ZNF438: variants seen among roughly 807,000 people sequenced by gnomAD.
ZNF438 encodes zinc finger protein 438.
ZNF438 carries 25 observed loss-of-function variants against 38.0 expected under a neutral mutation model. The ratio of observed to expected loss-of-function variants is 0.66; its 90% CI spans 0.48 to 0.92. ZNF438 has a LOEUF of 0.92. Among genes scored for constraint, ZNF438 ranks in the 40% least tolerant of loss-of-function variants. The pLI is 0.00. For missense variants in ZNF438, 1,007 were observed against 999.6 expected (o/e 1.01, Z -0.10); for synonymous variants, 372 against 364.1 (o/e 1.02, Z -0.25).
At chr10:30,894,257 C>A (rs1006235409) in intron 3 of ZNF438, among the ~76,000 whole-genome samples, 1 of 152,174 alleles carries the variant, frequency 6.6e-6, no homozygotes. Flanking sequence ...TCAGTAGCTT[C>A]TTTTTCTGAG....
At chr10:30,959,182 G>A (rs1001420735) in intron 1 of ZNF438, among the ~76,000 whole-genome samples, 2 of 147,026 alleles carry the variant, frequency 1.4e-5, no homozygotes, top group Admixed American at 6.8e-5. Flanking sequence ...CATTATTCTC[G>A]ACATTTCTGC....
chr10:30,889,406 C>T (rs1458559137), intron 3 of ZNF438, among the ~76,000 whole-genome samples: 1 of 152,128 alleles, frequency 6.6e-6, no homozygotes, highest in African/African-American at 2.4e-5. Flanking sequence ...CTCCCCTCCC[C>T]TCTTCCCTCC....
At chr10:30,866,695 G>A (rs1391473222) in intron 4 of ZNF438, among the ~76,000 whole-genome samples, 7 of 152,064 alleles carry the variant, frequency 4.6e-5, no homozygotes, top group Admixed American at 2.6e-4. Flanking sequence ...TTAGCCGAGC[G>A]TGGTGACAGG....
intron 2 of ZNF438, among the ~76,000 whole-genome samples, chr10:30,927,937 C>T (rs2045155723): frequency 6.6e-6 from 1 of 152,050 alleles, no homozygotes; most frequent in Non-Finnish European, 1.5e-5. Flanking sequence ...CCAGTTTTTA[C>T]AGCAAAAGCA....
At chr10:30,955,069 C>G (rs1407627592) in intron 1 of ZNF438, among the ~76,000 whole-genome samples, 2 of 152,188 alleles carry the variant, frequency 1.3e-5, no homozygotes, top group Non-Finnish European at 2.9e-5. Context: ...ATGTTTACTG[C>G]AGCTATTCTA....
intron 4 of ZNF438, among the ~76,000 whole-genome samples, chr10:30,872,958 T>G (rs1467464994): frequency 6.6e-6 from 1 of 152,148 alleles, no homozygotes; most frequent in Non-Finnish European, 1.5e-5. Flanking sequence ...GACACATACA[T>G]TGTCCCTGTC....
At chr10:30,954,138 TTAAAAA>T (rs2048593561) in intron 1 of ZNF438, among the ~76,000 whole-genome samples, 1 of 151,938 alleles carries the variant, frequency 6.6e-6, no homozygotes, top group African/African-American at 2.4e-5. Flanking sequence ...GCGAGACTGT[TTAAAAA>T]AAAAGACAAA....
intron 3 of ZNF438, among the ~76,000 whole-genome samples, chr10:30,892,604 T>TA (rs1332494026): frequency 6.6e-6 from 1 of 151,452 alleles, no homozygotes; most frequent in African/African-American, 2.4e-5. Flanking sequence ...GTTCAAGCAC[T>TA]AAAAAAAAGA....
intron 1 of ZNF438, among the ~76,000 whole-genome samples, chr10:30,983,914 T>A (rs933816437): frequency 1.3e-5 from 2 of 152,192 alleles, no homozygotes; most frequent in African/African-American, 4.8e-5. Context: ...ACATCTTACA[T>A]AACCACAGGA....
intron 2 of ZNF438, among the ~76,000 whole-genome samples, chr10:30,915,707 A>G (rs2043551537): frequency 6.6e-6 from 1 of 152,084 alleles, no homozygotes; most frequent in South Asian, 2.1e-4. Flanking sequence ...GATATTAGCC[A>G]CAGCATCCTG....
chr10:31,008,026 C>G (rs182202518), intron 1 of ZNF438, among the ~76,000 whole-genome samples: 1 of 152,266 alleles, frequency 6.6e-6, no homozygotes, highest in East Asian at 1.9e-4. Flanking sequence ...TCAGAAAATC[C>G]TATTAAATAT....
chr10:31,029,218 T>C lies in ZNF438; in HGVS notation c.-192+2615A>G, dbSNP rs572644180. ...GCCTCTATTTTCTCGTGCTGTAAAA[T>C]GGGGACAATAATGGTTCCTTGCACA... On this transcript the variant is annotated intron_variant, in intron 1 of 5. Coordinates refer to ENST00000413025, the Ensembl canonical transcript of ZNF438. Among the ~76,000 whole-genome samples, 4 of 152,298 alleles carry C rather than the reference T, an allele frequency of 2.6e-5. No individual in the cohort carries two copies. In the East Asian group the frequency reaches 7.7e-4, roughly 29 times the overall value.
intron 4 of ZNF438, among the ~76,000 whole-genome samples, chr10:30,874,526 T>C (rs192220029): frequency 4.0e-4 from 61 of 151,972 alleles, no homozygotes; most frequent in Non-Finnish European, 7.9e-4. Context: ...AATATTAATC[T>C]AAGACATACA....
intron 1 of ZNF438, among the ~76,000 whole-genome samples, chr10:31,012,750 C>T (rs187167666): frequency 8.8e-4 from 134 of 152,316 alleles, no homozygotes; most frequent in African/African-American, 3.0e-3. Flanking sequence ...TAACCATCCT[C>T]CAAGCTTCAC....
chr10:31,016,889 A>G (rs746208558), intron 1 of ZNF438, among the ~76,000 whole-genome samples: 13 of 152,164 alleles, frequency 8.5e-5, no homozygotes, highest in Admixed American at 2.0e-4. Flanking sequence ...TGAAATAGTC[A>G]TCTCCTTTCT....
chr10:30,913,263 G>T (rs1424298796), intron 2 of ZNF438, among the ~76,000 whole-genome samples: 1 of 151,890 alleles, frequency 6.6e-6, no homozygotes, highest in East Asian at 1.9e-4. Context: ...AGCTCTATAA[G>T]GTCTGAACTC....
At chr10:30,904,844 G>A (rs564883553) in intron 3 of ZNF438, among the ~76,000 whole-genome samples, 1 of 152,244 alleles carries the variant, frequency 6.6e-6, no homozygotes, top group South Asian at 2.1e-4. Context: ...GGATCGCAAA[G>A]GAAAATCACC....
chr10:30,965,949 G>A (rs1225071856), intron 1 of ZNF438, among the ~76,000 whole-genome samples: 1 of 152,060 alleles, frequency 6.6e-6, no homozygotes, highest in Non-Finnish European at 1.5e-5. Flanking sequence ...AAAATACAAA[G>A]ATGTACGTAC....
intron 4 of ZNF438, among the ~76,000 whole-genome samples, chr10:30,873,519 T>C (rs1306022035): frequency 2.0e-5 from 3 of 152,226 alleles, no homozygotes; most frequent in African/African-American, 7.2e-5. Context: ...GTTAATATCC[T>C]GAACAAATGT....
Sources: gnomAD v4.1 joint callset for allele counts (sites outside exome capture counted in the v4.1 genomes callset) on GRCh38, gnomAD v4.1.1 for gene constraint, MANE v1.5 for transcripts, NCBI Gene and HGNC (gene_info 2026-07-23, HGNC 2026-07-21) for gene names.